TLL2: variants seen among roughly 807,000 people sequenced by gnomAD.
TLL2 encodes tolloid like 2.
TLL2 carries 106 observed loss-of-function variants against 123.0 expected under a neutral mutation model. The ratio of observed to expected loss-of-function variants is 0.86; its 90% CI spans 0.74 to 1.01. The LOEUF (loss-of-function observed/expected upper bound fraction) is 1.01, where lower values mean the gene tolerates loss of function less well. Among genes scored for constraint, TLL2 ranks in the 50% least tolerant of loss-of-function variants. The probability of loss-of-function intolerance (pLI) is 0.00; values close to 1 mark genes in which losing one functional copy is unlikely to be tolerated. For missense variants in TLL2, 1,332 were observed against 1,336.7 expected, an observed-to-expected ratio of 1.00 and a Z score of 0.06; for synonymous variants, 494 against 516.8, an observed-to-expected ratio of 0.96 and a Z score of 0.60.
chr10:96,381,034 C>T (rs1846182828), intron 16 of TLL2, among the ~76,000 whole-genome samples: 2 of 152,068 alleles, frequency 1.3e-5, no homozygotes, highest in Admixed American at 6.6e-5. Flanking sequence ...CCAGCACTGA[C>T]CCACCTCTCT....
intron 10 of TLL2, among the ~76,000 whole-genome samples, chr10:96,402,406 A>G (rs866294294): frequency 2.0e-5 from 3 of 152,250 alleles, no homozygotes; most frequent in Admixed American, 1.3e-4. Context: ...ACGGTCTCCC[A>G]GGAATCTGTA....
At chr10:96,457,778 G>A (rs942877611) in intron 2 of TLL2, among the ~76,000 whole-genome samples, 2 of 152,110 alleles carry the variant, frequency 1.3e-5, no homozygotes, top group African/African-American at 4.8e-5. Context: ...GTGCACAGCG[G>A]GACACCAGTT....
In TLL2 at chr10:96,376,723, ATGT is replaced by A; in HGVS notation, c.2414_2416del (p.Asn805del). On this transcript the variant is annotated inframe_deletion, in exon 18 of 21. Coordinates refer to ENST00000357947, the MANE Select transcript of TLL2 (RefSeq NM_012465.4). ...CACTCTGTGGCCTGCAGTCGAAGAGATGTTCCAGGTACACTCCCTCCGGCTGGG... is the reference window on the plus strand; with the variant it reads ...CACTCTGTGGCCTGCAGTCGAAGAGATCCAGGTACACTCCCTCCGGCTGGG... 1 of 1,610,158 alleles carries A rather than the reference ATGT, an allele frequency of 6.2e-7. No individual in the cohort carries two copies. Among genetic ancestry groups the A allele is most frequent in the Non-Finnish European group, 8.5e-7 (1 of 1,178,406 alleles).
chr10:96,379,200 G>T, intron 16 of TLL2, 108 bp from the exon 17 acceptor site: 1 of 1,390,706 alleles, frequency 7.2e-7, no homozygotes, highest in South Asian at 1.3e-5. Flanking sequence ...CTCTCTGATT[G>T]CTCCCCTTCC....
intron 8 of TLL2, among the ~76,000 whole-genome samples, chr10:96,411,822 G>A (rs1166611844): frequency 6.6e-6 from 1 of 152,176 alleles, no homozygotes; most frequent in Non-Finnish European, 1.5e-5. Flanking sequence ...GGGATATGTG[G>A]AGAACTGCCC....
intron 2 of TLL2, among the ~76,000 whole-genome samples, chr10:96,452,665 G>A (rs991415758): frequency 2.0e-5 from 3 of 152,204 alleles, no homozygotes; most frequent in Admixed American, 6.5e-5. Context: ...AAGAGGGCCC[G>A]TCTGACTCCA....
chr10:96,379,931 G>T (rs192244647), intron 16 of TLL2, among the ~76,000 whole-genome samples: 1 of 152,214 alleles, frequency 6.6e-6, no homozygotes, highest in African/African-American at 2.4e-5. Context: ...CTCAAGTGCC[G>T]CGACTCCACC....
intron 2 of TLL2, among the ~76,000 whole-genome samples, chr10:96,458,398 C>T (rs1456301816): frequency 6.6e-6 from 1 of 151,684 alleles, no homozygotes; most frequent in Admixed American, 6.6e-5. Context: ...ACCAGCCTAC[C>T]CAACATGGAG....
intron 2 of TLL2, among the ~76,000 whole-genome samples, chr10:96,471,706 G>C (rs535299443): frequency 6.6e-6 from 1 of 152,110 alleles, no homozygotes; most frequent in Non-Finnish European, 1.5e-5. Flanking sequence ...TCAGTACAGA[G>C]CCAGAGACGC....
At chr10:96,387,305 G>A (rs1846245650) in intron 13 of TLL2, among the ~76,000 whole-genome samples, 1 of 152,210 alleles carries the variant, frequency 6.6e-6, no homozygotes, top group African/African-American at 2.4e-5. Flanking sequence ...AGCTGGGGTA[G>A]GCTCTGCCAA....
intron 10 of TLL2, among the ~76,000 whole-genome samples, chr10:96,398,875 T>C (rs565167195): frequency 9.7e-4 from 141 of 145,880 alleles, no homozygotes; most frequent in African/African-American, 3.3e-3. Flanking sequence ...ATTCTTTTTT[T>C]TTTTTTTTTT....
chr10:96,374,554 C>G (rs1159054303), intron 18 of TLL2: 1 of 152,300 alleles, frequency 6.6e-6, no homozygotes, highest in East Asian at 1.9e-4. Flanking sequence ...CGCATTTTCT[C>G]TCTTACTTCT....
At chr10:96,391,883 C>T (rs1846293423) in intron 13 of TLL2, among the ~76,000 whole-genome samples, 1 of 152,196 alleles carries the variant, frequency 6.6e-6, no homozygotes, top group Non-Finnish European at 1.5e-5. Context: ...TTGGGTGGGC[C>T]TTAGTCCACA....
At chr10:96,448,870 G>A (rs1450989636) in intron 2 of TLL2, among the ~76,000 whole-genome samples, 1 of 152,116 alleles carries the variant, frequency 6.6e-6, no homozygotes, top group Non-Finnish European at 1.5e-5. Context: ...TGCTCATATG[G>A]GGCCTTGCAG....
At chr10:96,505,018 AAAATAAATAAAT>A (rs149562540) in intron 1 of TLL2, among the ~76,000 whole-genome samples, 6 of 151,734 alleles carry the variant, frequency 4.0e-5, no homozygotes, top group African/African-American at 1.2e-4. Flanking sequence ...AAAAAAATAA[AAAATAAATAAAT>A]AAATAAATAA....
At chr10:96,392,108 G>C (rs1319735389) in intron 13 of TLL2, among the ~76,000 whole-genome samples, 1 of 152,186 alleles carries the variant, frequency 6.6e-6, no homozygotes, top group Non-Finnish European at 1.5e-5. Flanking sequence ...TCCAGCCCCA[G>C]CACCAACACA....
rs564650175 is a variant in TLL2 at position 96,413,175 on chromosome 10, C to T, written c.1048+17G>A. On this transcript the variant is annotated intron_variant, in intron 8 of 20. Transcript: ENST00000357947. The stretch of plus-strand genomic sequence containing the variant: ...GATGCTAGGGAGGTGCTGGCAGTCC[C>T]CACGGCTCATAGTTACCTGGGCATT... The T allele has an allele frequency of 1.2e-5, 19 of 1,613,560 alleles. No individual in the cohort carries two copies. The East Asian group carries it at 4.2e-4, about 36-fold the overall frequency.
intron 3 of TLL2, among the ~76,000 whole-genome samples, chr10:96,440,927 G>T (rs185422314): frequency 6.6e-6 from 1 of 152,254 alleles, no homozygotes; most frequent in East Asian, 1.9e-4. Context: ...ACTACTATCT[G>T]GAATCGGAGT....
chr10:96,460,541 T>C (rs539322382), intron 2 of TLL2, among the ~76,000 whole-genome samples: 21 of 152,132 alleles, frequency 1.4e-4, no homozygotes, highest in Non-Finnish European at 2.6e-4. Flanking sequence ...GGGGGCAGAC[T>C]TCCCCCTTGC....
Sources: gnomAD v4.1 joint callset for allele counts (sites outside exome capture counted in the v4.1 genomes callset) on GRCh38, gnomAD v4.1.1 for gene constraint, MANE v1.5 for transcripts, NCBI Gene and HGNC (gene_info 2026-07-23, HGNC 2026-07-21) for gene names.